The following CFAP95 variants were observed in gnomAD, a reference collection of about 807,000 sequenced individuals.
CFAP95 encodes cilia- and flagella-associated protein 95.
chr9:69,820,831 G>A, the CFAP95 span: 1 of 1,582,748 alleles, frequency 6.3e-7, no homozygotes, highest in Admixed American at 1.7e-5. Flanking sequence ...CTGCCGGGCA[G>A]GACAGGTGCA....
chr9:69,876,344 C>A, the CFAP95 span, among the ~76,000 whole-genome samples: 1 of 151,948 alleles, frequency 6.6e-6, no homozygotes, highest in Non-Finnish European at 1.5e-5. Flanking sequence ...ACCAGCCTGG[C>A]CAACATGACA....
the CFAP95 span, among the ~76,000 whole-genome samples, chr9:69,854,367 A>G: frequency 6.6e-6 from 1 of 152,222 alleles, no homozygotes; most frequent in African/African-American, 2.4e-5. Flanking sequence ...CTACTATGCT[A>G]TAGCTAGTAT....
chr9:69,879,900 G>C, the CFAP95 span, among the ~76,000 whole-genome samples: 1 of 151,824 alleles, frequency 6.6e-6, no homozygotes, highest in Admixed American at 6.6e-5. Flanking sequence ...CTTAGGTTCT[G>C]TCTTAGTTGA....
the CFAP95 span, among the ~76,000 whole-genome samples, chr9:69,832,399 G>T: frequency 3.3e-5 from 5 of 152,160 alleles, no homozygotes; most frequent in East Asian, 9.6e-4. Flanking sequence ...TTCCACATAT[G>T]TCAAAGTCAG....
At chr9:69,891,462 T>C in the CFAP95 span, among the ~76,000 whole-genome samples, 1 of 151,784 alleles carries the variant, frequency 6.6e-6, no homozygotes, top group Non-Finnish European at 1.5e-5. Flanking sequence ...ACTGAGTTGA[T>C]ATAAAGACAA....
the CFAP95 span, among the ~76,000 whole-genome samples, chr9:69,850,388 GA>G: frequency 6.6e-6 from 1 of 152,108 alleles, no homozygotes; most frequent in Non-Finnish European, 1.5e-5. Flanking sequence ...GCAAATAAAT[GA>G]ATAGTACAAA....
At chr9:69,857,862 A>C in the CFAP95 span, 3 of 1,559,024 alleles carry the variant, frequency 1.9e-6, no homozygotes, top group African/African-American at 4.1e-5. Context: ...GAAAGTTTAC[A>C]CATTACACTC....
chr9:69,883,834 A>G, the CFAP95 span, among the ~76,000 whole-genome samples: 1 of 8,840 alleles, frequency 1.1e-4, no homozygotes, highest in Non-Finnish European at 6.9e-3. Flanking sequence ...AAAAAAAACA[A>G]TTAAAAAAAA....
chr9:69,863,699 C>T, the CFAP95 span, among the ~76,000 whole-genome samples: 6 of 151,988 alleles, frequency 3.9e-5, no homozygotes, highest in Non-Finnish European at 5.9e-5. Flanking sequence ...CGATCAGAAA[C>T]CAAACCAGTA....
At chr9:69,872,363 T>A in the CFAP95 span, among the ~76,000 whole-genome samples, 1 of 152,168 alleles carries the variant, frequency 6.6e-6, no homozygotes, top group African/African-American at 2.4e-5. Flanking sequence ...AGCACAAAAA[T>A]AACCAAAGAA....
chr9:69,898,676 C>A, the CFAP95 span, among the ~76,000 whole-genome samples: 1,573 of 152,218 alleles, frequency 0.01, 23 homozygotes, highest in African/African-American at 0.035. Flanking sequence ...AATCCACAGT[C>A]CATGTTAAAT....
the CFAP95 span, chr9:69,906,191 A>C: frequency 7.3e-7 from 1 of 1,376,156 alleles, no homozygotes; most frequent in Non-Finnish European, 9.9e-7. Context: ...GTAGCAGTTG[A>C]TGATTTTCTA....
chr9:69,863,972 G>A, the CFAP95 span, among the ~76,000 whole-genome samples: 1 of 152,080 alleles, frequency 6.6e-6, no homozygotes, highest in African/African-American at 2.4e-5. Flanking sequence ...TTTTTGATAG[G>A]GAAAAATCAG....
chr9:69,874,748 C>T, the CFAP95 span, among the ~76,000 whole-genome samples: 1 of 152,280 alleles, frequency 6.6e-6, no homozygotes, highest in South Asian at 2.1e-4. Context: ...AAAAGGAAAT[C>T]CCAAAGAGGG....
the CFAP95 span, among the ~76,000 whole-genome samples, chr9:69,855,075 C>T: frequency 1.5e-4 from 23 of 152,184 alleles, no homozygotes; most frequent in African/African-American, 4.3e-4. Context: ...TTGTTTTTCC[C>T]TTCTGAGACC....
chr9:69,831,903 C>T, the CFAP95 span, among the ~76,000 whole-genome samples: 2 of 152,172 alleles, frequency 1.3e-5, no homozygotes, highest in Non-Finnish European at 2.9e-5. Context: ...GTGACCATAG[C>T]ATCTTAACAA....
At chr9:69,829,235 A>AT in the CFAP95 span, among the ~76,000 whole-genome samples, 14 of 152,142 alleles carry the variant, frequency 9.2e-5, no homozygotes, top group Admixed American at 5.2e-4. Context: ...AAAGCACTAT[A>AT]TTTTTTATTT....
chr9:69,843,625 T>TTCG, the CFAP95 span, among the ~76,000 whole-genome samples: 1 of 63,708 alleles, frequency 1.6e-5, no homozygotes, highest in Non-Finnish European at 2.8e-5. Flanking sequence ...CTTCTTCTTC[T>TTCG]TCTTCCTCCT....
chr9:69,874,318 T>G, the CFAP95 span, among the ~76,000 whole-genome samples: 1 of 152,130 alleles, frequency 6.6e-6, no homozygotes, highest in African/African-American at 2.4e-5. Flanking sequence ...GCATTCTCTC[T>G]CTGTGAAAAA....
Sources: gnomAD v4.1 joint callset for allele counts (sites outside exome capture counted in the v4.1 genomes callset) on GRCh38, gnomAD v4.1.1 for gene constraint, MANE v1.5 for transcripts, NCBI Gene and HGNC (gene_info 2026-07-23, HGNC 2026-07-21) for gene names.